The following UGT1A8 variants were observed in gnomAD, a reference collection of about 807,000 sequenced individuals.
The protein encoded by UGT1A8 is UDP-glucuronosyltransferase 1A8.
A neutral mutation model predicts 45.3 loss-of-function variants in UGT1A8; 39 were observed. The observed-to-expected ratio is 0.86, with a 90% CI of 0.67 to 1.12. The LOEUF (loss-of-function observed/expected upper bound fraction) is 1.12, where lower values mean the gene tolerates loss of function less well. Ranked by LOEUF, UGT1A8 falls within the 50% of genes most tolerant of loss-of-function variation. The pLI, the probability that UGT1A8 is intolerant of heterozygous loss-of-function variation, is 0.00. For missense variants in UGT1A8, 719 were observed against 664.9 expected, an observed-to-expected ratio of 1.08 and a Z score of -0.90; for synonymous variants, 275 against 249.2, an observed-to-expected ratio of 1.10 and a Z score of -0.97.
intron 1 of UGT1A8, among the ~76,000 whole-genome samples, chr2:233,758,630 C>T (rs1481038877): frequency 6.6e-6 from 1 of 152,172 alleles, no homozygotes; most frequent in Non-Finnish European, 1.5e-5. Context: ...AAAGTACCTA[C>T]TCTAAGGAGA....
At chr2:233,768,134 C>CT (rs1360779750) in intron 3 of UGT1A8, 86 bp from the exon 4 acceptor site, 2 of 1,607,930 alleles carry the variant, frequency 1.2e-6, no homozygotes, top group African/African-American at 2.7e-5. Flanking sequence ...AACACTGAGT[C>CT]TTTGGAGTGT....
intron 1 of UGT1A8, chr2:233,760,576 CATA>C: frequency 6.2e-7 from 1 of 1,614,196 alleles, no homozygotes; most frequent in Non-Finnish European, 8.5e-7. Flanking sequence ...TAGTCTCGGG[CATA>C]ATGTTTTTGA....
chr2:233,729,495 C>T, intron 1 of UGT1A8: 1 of 1,614,190 alleles, frequency 6.2e-7, no homozygotes, highest in Non-Finnish European at 8.5e-7. Flanking sequence ...TGTCTTTGGT[C>T]TATCATAGGT....
In UGT1A8 at chr2:233,636,785, G is replaced by A. The variant is rs780014586; in HGVS notation, c.855+18223G>A. 16 of 1,614,092 alleles carry A rather than the reference G, an allele frequency of 9.9e-6. No individual in the cohort carries two copies. In the Admixed American group the frequency reaches 1.0e-4, roughly 10 times the overall value. On this transcript the variant is annotated intron_variant, in intron 1 of 4. Coordinates refer to ENST00000373450, the MANE Select transcript of UGT1A8 (RefSeq NM_019076.5). The stretch of plus-strand genomic sequence containing the variant: ...TCGTACACTCTGGAAGATCAGAACC[G>A]GGAATTCATGGTTTTCGCCCATGCT...
At chr2:233,735,562 T>C (rs1021326585) in intron 1 of UGT1A8, among the ~76,000 whole-genome samples, 3 of 152,204 alleles carry the variant, frequency 2.0e-5, no homozygotes, top group Non-Finnish European at 4.4e-5. Context: ...TATGGTGTTA[T>C]CGGGTTATTT....
At chr2:233,730,797 T>G (rs45510999) in intron 1 of UGT1A8, among the ~76,000 whole-genome samples, 5,123 of 152,228 alleles carry the variant, frequency 0.034, 100 homozygotes, top group African/African-American at 0.051. Flanking sequence ...CAGTGATGAA[T>G]GGACATGCGT....
chr2:233,747,668 C>T (rs1693744696), intron 1 of UGT1A8: 1 of 1,603,064 alleles, frequency 6.2e-7, no homozygotes, highest in East Asian at 2.2e-5. Context: ...TTTTAATAGA[C>T]CCAATTTACC....
chr2:233,660,240 G>A (rs190548165), intron 1 of UGT1A8, among the ~76,000 whole-genome samples: 2 of 152,172 alleles, frequency 1.3e-5, no homozygotes, highest in South Asian at 2.1e-4. Context: ...TGTTCGCCCC[G>A]CTGACATTCT....
intron 1 of UGT1A8, chr2:233,755,137 T>A: frequency 7.6e-7 from 1 of 1,310,376 alleles, no homozygotes; most frequent in Non-Finnish European, 1.0e-6. Context: ...TGCTTGAATC[T>A]TCTCACCGCT....
At chr2:233,648,467 T>G (rs1199417388) in intron 1 of UGT1A8, 1 of 158,000 alleles carries the variant, frequency 6.3e-6, no homozygotes, top group East Asian at 1.8e-4. Flanking sequence ...TTTTATTTAT[T>G]TATTTATTTT....
At chr2:233,662,500 A>G (rs2125490474) in intron 1 of UGT1A8, among the ~76,000 whole-genome samples, 1 of 152,332 alleles carries the variant, frequency 6.6e-6, no homozygotes, top group African/African-American at 2.4e-5. Flanking sequence ...TCCTGCAACC[A>G]TGCTAAACTT....
At chr2:233,709,522 C>A (rs575699212) in intron 1 of UGT1A8, among the ~76,000 whole-genome samples, 40 of 152,162 alleles carry the variant, frequency 2.6e-4, no homozygotes, top group African/African-American at 8.9e-4. Context: ...TTTAGGAATT[C>A]TTTTTCCTAC....
At chr2:233,691,171 C>G in intron 1 of UGT1A8, 1 of 985,720 alleles carries the variant, frequency 1.0e-6, no homozygotes, top group South Asian at 4.7e-5. Flanking sequence ...TGCCTAATGT[C>G]TGCCTGCTCA....
intron 1 of UGT1A8, among the ~76,000 whole-genome samples, chr2:233,674,482 C>T (rs2074286369): frequency 6.6e-6 from 1 of 152,156 alleles, no homozygotes; most frequent in Non-Finnish European, 1.5e-5. Flanking sequence ...AAGGCCCTGC[C>T]ACTTCCTGAA....
At chr2:233,673,406 AT>A (rs906939250) in intron 1 of UGT1A8, among the ~76,000 whole-genome samples, 1 of 152,096 alleles carries the variant, frequency 6.6e-6, no homozygotes, top group African/African-American at 2.4e-5. Context: ...GGCATTTTGC[AT>A]TTTTTGTCTT....
chr2:233,637,522 T>C lies in UGT1A8; in HGVS notation c.855+18960T>C. 2.8e-6 allele frequency: 4 copies of C among 1,430,676 alleles called. No homozygotes were observed. The South Asian group carries it at 4.9e-5, about 17-fold the overall frequency. The allele number at this position is 1,430,676 out of a possible 1,614,324, so 88.6% of individuals were successfully genotyped here. A position where few individuals can be genotyped will look rare whatever the true frequency, so the allele number is the denominator to read the frequency against. ...TAACAAATTATTTTGTGCGAATTCATGTACTCATCAATTATCAAATTTTAT... is the reference window on the plus strand; with the variant it reads ...TAACAAATTATTTTGTGCGAATTCACGTACTCATCAATTATCAAATTTTAT... On this transcript the variant is annotated intron_variant, in intron 1 of 4. Coordinates refer to ENST00000373450, the MANE Select transcript of UGT1A8 (RefSeq NM_019076.5).
At chr2:233,729,508 T>G in intron 1 of UGT1A8, 2 of 1,614,204 alleles carry the variant, frequency 1.2e-6, no homozygotes. Context: ...TCATAGGTCT[T>G]GTGTGGAGCT....
intron 1 of UGT1A8, among the ~76,000 whole-genome samples, chr2:233,730,768 A>G (rs1007690415): frequency 3.9e-5 from 6 of 152,134 alleles, no homozygotes; most frequent in African/African-American, 1.4e-4. Flanking sequence ...TGAATCTATA[A>G]GCCCAGTGAA....
At chr2:233,672,347 A>G (rs1466051735) in intron 1 of UGT1A8, 2 of 1,614,166 alleles carry the variant, frequency 1.2e-6, no homozygotes, top group Non-Finnish European at 1.7e-6. Flanking sequence ...GAATACTTAA[A>G]GGAGAGTTCT....
Sources: gnomAD v4.1 joint callset for allele counts (sites outside exome capture counted in the v4.1 genomes callset) on GRCh38, gnomAD v4.1.1 for gene constraint, MANE v1.5 for transcripts, NCBI Gene and HGNC (gene_info 2026-07-23, HGNC 2026-07-21) for gene names.